The following FRK variants were observed in gnomAD, a reference collection of about 807,000 sequenced individuals.
FRK encodes fyn related Src family tyrosine kinase, also known as tyrosine-protein kinase FRK.
A neutral mutation model predicts 56.4 loss-of-function variants in FRK; 51 were observed. That is an observed-to-expected ratio of 0.90 (90% CI 0.72 to 1.14). The LOEUF (loss-of-function observed/expected upper bound fraction) is 1.14, where lower values mean the gene tolerates loss of function less well. Ranked by LOEUF, FRK falls within the 50% of genes most tolerant of loss-of-function variation. FRK has a pLI of 0.00. For synonymous variants in FRK, 245 were observed against 217.9 expected (o/e 1.12, Z -1.10); for missense variants, 570 against 601.4 (o/e 0.95, Z 0.55).
intron 4 of FRK, among the ~76,000 whole-genome samples, chr6:115,963,081 AC>A (rs1773446560): frequency 1.7e-5 from 1 of 57,326 alleles, no homozygotes; most frequent in Non-Finnish European, 3.6e-5. Flanking sequence ...ACACAAAAAA[AC>A]CTTCAAAAAA....
At chr6:115,996,197 T>C (rs575972062) in intron 2 of FRK, among the ~76,000 whole-genome samples, 15 of 152,282 alleles carry the variant, frequency 9.9e-5, no homozygotes, top group Non-Finnish European at 8.8e-5. Context: ...GACATACAAT[T>C]GTCTTTACAT....
In FRK at chr6:115,938,894, C is replaced by T. The variant is rs981309972; in HGVS notation, c.*3520G>A. The T allele has an allele frequency of 6.6e-6, 1 of 151,946 alleles. No homozygotes were observed. The highest frequency in any genetic ancestry group is 1.5e-5 in the Non-Finnish European group (1 of 68,008). 9.4% of individuals were successfully genotyped at this position (151,946 alleles called of 1,614,324 possible). A position where few individuals can be genotyped will look rare whatever the true frequency, so the allele number is the denominator to read the frequency against. Reference sequence around the variant, plus strand: ...TCACAGCCGAATTCTACCAGAGGTACAAAGAGGTACAAAGCTAGTACTATT... The same window carrying T: ...TCACAGCCGAATTCTACCAGAGGTATAAAGAGGTACAAAGCTAGTACTATT... On this transcript the variant is annotated 3_prime_UTR_variant, in exon 8 of 8. Coordinates refer to ENST00000606080, the MANE Select transcript of FRK (RefSeq NM_002031.3).
At chr6:116,039,309 G>A in intron 1 of FRK, 2 of 1,428,176 alleles carry the variant, frequency 1.4e-6, no homozygotes, top group South Asian at 1.1e-5. Context: ...AAGTACACGA[G>A]AAGTTCTGAG....
intron 2 of FRK, among the ~76,000 whole-genome samples, chr6:115,991,806 C>T (rs1774619800): frequency 6.6e-6 from 1 of 150,892 alleles, no homozygotes; most frequent in East Asian, 1.9e-4. Flanking sequence ...GAGAGGAATC[C>T]CTCCTCCTCA....
chr6:116,100,263 A>G, the FRK span, among the ~76,000 whole-genome samples: 1 of 152,200 alleles, frequency 6.6e-6, no homozygotes, highest in East Asian at 1.9e-4. Context: ...TGTCTGATAC[A>G]TTTATTTTCT....
chr6:116,094,811 CAGAGAGAA>C, the FRK span, among the ~76,000 whole-genome samples: 1 of 151,406 alleles, frequency 6.6e-6, no homozygotes, highest in African/African-American at 2.4e-5. Context: ...AAGAGGGAAT[CAGAGAGAA>C]AGAGAGACAG....
intron 4 of FRK, among the ~76,000 whole-genome samples, chr6:115,958,661 A>AAAGG (rs1773130124): frequency 3.4e-4 from 1 of 2,922 alleles, no homozygotes; most frequent in Non-Finnish European, 6.4e-4. Flanking sequence ...AGAAAGAAAG[A>AAAGG]AAGAAAGAAA....
At chr6:116,063,349 A>C (rs1485680949), upstream of FRK, among the ~76,000 whole-genome samples, 2 of 152,238 alleles carry the variant, frequency 1.3e-5, no homozygotes, top group African/African-American at 4.8e-5. Flanking sequence ...AATATGGTAT[A>C]TATACACATT....
intron 5 of FRK, among the ~76,000 whole-genome samples, chr6:115,946,382 T>C (rs1016197273): frequency 6.6e-6 from 1 of 152,186 alleles, no homozygotes; most frequent in Non-Finnish European, 1.5e-5. Flanking sequence ...ATGGTATTCG[T>C]TGTTAAAATG....
chr6:116,016,419 C>T (rs1252830841), intron 1 of FRK, among the ~76,000 whole-genome samples: 1 of 152,206 alleles, frequency 6.6e-6, no homozygotes, highest in African/African-American at 2.4e-5. Flanking sequence ...CAAATTATCA[C>T]ATGTACCCAG....
chr6:115,991,924 A>AT (rs534588193), intron 2 of FRK, among the ~76,000 whole-genome samples: 240 of 151,260 alleles, frequency 1.6e-3, no homozygotes, highest in African/African-American at 5.7e-3. Flanking sequence ...TTGGTGGTAG[A>AT]TTTTTTTATT....
chr6:115,996,098 C>T (rs1774829120), intron 2 of FRK, among the ~76,000 whole-genome samples: 1 of 152,106 alleles, frequency 6.6e-6, no homozygotes, highest in East Asian at 1.9e-4. Context: ...AAAATGCTCC[C>T]AGAATCCATA....
intron 1 of FRK, among the ~76,000 whole-genome samples, chr6:116,042,116 T>C (rs575950450): frequency 3.4e-4 from 51 of 152,208 alleles, no homozygotes; most frequent in Admixed American, 9.8e-4. Context: ...CCTCACAGTG[T>C]AAACAAAGCC....
At chr6:116,020,912 T>G (rs1293413324) in intron 1 of FRK, among the ~76,000 whole-genome samples, 2 of 152,204 alleles carry the variant, frequency 1.3e-5, no homozygotes, top group Non-Finnish European at 2.9e-5. Context: ...TCTTGTGGTT[T>G]ACTTTTGATA....
the FRK span, among the ~76,000 whole-genome samples, chr6:116,083,372 CTTTGT>C: frequency 0.049 from 7,398 of 151,960 alleles, 220 homozygotes; most frequent in Non-Finnish European, 0.062. Context: ...AAAAAAAAAG[CTTTGT>C]TTTGTTTTAA....
Position 115,936,769 on chromosome 6 carries a change from T to C in FRK, c.*5645A>G, listed in dbSNP as rs916669236. The C allele has an allele frequency of 6.6e-6, 1 of 151,698 alleles. No individual in the cohort carries two copies. The highest frequency in any genetic ancestry group is 2.4e-5 in the African/African-American group (1 of 41,254). The allele number at this position is 151,698 out of a possible 1,614,324, so 9.4% of individuals were successfully genotyped here. ...TAATGAAATAAAGGAGAAGACAAGATTAGAGAAAAAAGAGTGAAAAGGAAC... is the reference window on the plus strand; with the variant it reads ...TAATGAAATAAAGGAGAAGACAAGACTAGAGAAAAAAGAGTGAAAAGGAAC... On this transcript the variant is annotated 3_prime_UTR_variant, in exon 8 of 8. Transcript: ENST00000606080.
the FRK span, among the ~76,000 whole-genome samples, chr6:116,080,088 A>G: frequency 6.6e-6 from 1 of 152,366 alleles, no homozygotes; most frequent in South Asian, 2.1e-4. Flanking sequence ...GATTAAAAGT[A>G]TAATGCAACG....
chr6:116,094,241 C>T, the FRK span, among the ~76,000 whole-genome samples: 2 of 152,220 alleles, frequency 1.3e-5, no homozygotes, highest in East Asian at 3.8e-4. Context: ...GACCAGAATC[C>T]CCCAACAAGA....
chr6:116,035,826 G>A (rs912340271), intron 1 of FRK, among the ~76,000 whole-genome samples: 16 of 151,966 alleles, frequency 1.1e-4, no homozygotes, highest in Non-Finnish European at 1.5e-5. Flanking sequence ...TAGCGAGCAG[G>A]TGAATATCTG....
Sources: gnomAD v4.1 joint callset for allele counts (sites outside exome capture counted in the v4.1 genomes callset) on GRCh38, gnomAD v4.1.1 for gene constraint, MANE v1.5 for transcripts, NCBI Gene and HGNC (gene_info 2026-07-23, HGNC 2026-07-21) for gene names.